MDGA2: variants seen among roughly 807,000 people sequenced by gnomAD.
MDGA2 encodes MAM domain containing glycosylphosphatidylinositol anchor 2.
MDGA2 carries 40 observed loss-of-function variants against 117.8 expected under a neutral mutation model. That is an observed-to-expected ratio of 0.34 (90% CI 0.26 to 0.44). The LOEUF (loss-of-function observed/expected upper bound fraction) is 0.44. Among genes scored for constraint, MDGA2 ranks in the 20% least tolerant of loss-of-function variants. The pLI is 1.00. For missense variants in MDGA2, 1,123 were observed against 1,250.6 expected (o/e 0.90, Z 1.54); for synonymous variants, 452 against 439.0 (o/e 1.03, Z -0.37).
At chr14:47,519,654 T>C (rs1894828084) in intron 1 of MDGA2, among the ~76,000 whole-genome samples, 3 of 152,210 alleles carry the variant, frequency 2.0e-5, no homozygotes, top group African/African-American at 7.2e-5. Flanking sequence ...TTATCCCTCT[T>C]TACCCTCCCT....
chr14:47,032,368 C>T (rs924395100), intron 8 of MDGA2, among the ~76,000 whole-genome samples: 1 of 152,030 alleles, frequency 6.6e-6, no homozygotes, highest in Admixed American at 6.6e-5. Context: ...AGGAAGATTG[C>T]TTGAAGTCAG....
rs560949200 is a variant in MDGA2, at chr14:47,646,721, T to G, written c.280+27796A>C. 2.4e-4 allele frequency among the ~76,000 whole-genome samples: 36 copies of G among 152,360 alleles called. No individual in the cohort carries two copies. The South Asian group carries it at 7.0e-3, about 30-fold the overall frequency. ...TGCATCATTTAATGCCCTACAACCC[T>G]TAGCGTAAAATATGGCACATTCTGC... is the stretch of plus-strand genomic sequence containing the variant. On this transcript the variant is annotated intron_variant, in intron 1 of 16. Transcript: ENST00000399232.
chr14:47,524,142 G>A (rs914606070), intron 1 of MDGA2, among the ~76,000 whole-genome samples: 1 of 152,062 alleles, frequency 6.6e-6, no homozygotes, highest in African/African-American at 2.4e-5. Context: ...TTGAAGATTT[G>A]TATCCTTATT....
intron 8 of MDGA2, among the ~76,000 whole-genome samples, chr14:46,973,053 A>G (rs534629260): frequency 6.6e-6 from 1 of 152,282 alleles, no homozygotes; most frequent in South Asian, 2.1e-4. Flanking sequence ...AATGCAAATT[A>G]AAACAATAAA....
At chr14:46,862,718 T>C (rs2138326614) in intron 14 of MDGA2, among the ~76,000 whole-genome samples, 1 of 152,156 alleles carries the variant, frequency 6.6e-6, no homozygotes, top group Non-Finnish European at 1.5e-5. Flanking sequence ...TCACATTTCA[T>C]GTAAAATGAG....
intron 6 of MDGA2, among the ~76,000 whole-genome samples, chr14:47,081,216 A>G (rs951152902): frequency 6.6e-6 from 1 of 152,170 alleles, no homozygotes; most frequent in Non-Finnish European, 1.5e-5. Flanking sequence ...AATTAAAAAA[A>G]AAGTTGTAGC....
chr14:46,851,034 C>A (rs1040768898), intron 15 of MDGA2, among the ~76,000 whole-genome samples: 1 of 151,806 alleles, frequency 6.6e-6, no homozygotes, highest in Admixed American at 6.6e-5. Flanking sequence ...TTAGTTGGAA[C>A]ATAAGGCAGC....
At chr14:47,606,123 T>G (rs1418725532) in intron 1 of MDGA2, among the ~76,000 whole-genome samples, 1 of 152,226 alleles carries the variant, frequency 6.6e-6, no homozygotes, top group African/African-American at 2.4e-5. Context: ...TATTTATTAT[T>G]TATTTCCCTC....
At chr14:47,108,789 A>T (rs562741345) in intron 5 of MDGA2, among the ~76,000 whole-genome samples, 36 of 152,224 alleles carry the variant, frequency 2.4e-4, no homozygotes, top group Non-Finnish European at 4.3e-4. Flanking sequence ...TATTCACTGA[A>T]CAATATAAAT....
intron 2 of MDGA2, among the ~76,000 whole-genome samples, chr14:47,281,737 T>G (rs1888496933): frequency 6.6e-6 from 1 of 152,206 alleles, no homozygotes; most frequent in South Asian, 2.1e-4. Context: ...TTCTTCAGTA[T>G]GTATTAATTG....
At chr14:47,166,917 G>C (rs949924010) in intron 3 of MDGA2, among the ~76,000 whole-genome samples, 1 of 152,150 alleles carries the variant, frequency 6.6e-6, no homozygotes, top group Admixed American at 6.5e-5. Context: ...AGGCTGACAA[G>C]ACAGTGTGTG....
intron 3 of MDGA2, among the ~76,000 whole-genome samples, chr14:47,159,782 T>C (rs1338665491): frequency 6.6e-6 from 1 of 152,204 alleles, no homozygotes; most frequent in South Asian, 2.1e-4. Context: ...AGATCCTTTG[T>C]CTATTTTTAT....
At chr14:47,167,252 A>C (rs1304257237) in intron 3 of MDGA2, among the ~76,000 whole-genome samples, 1 of 152,176 alleles carries the variant, frequency 6.6e-6, no homozygotes, top group Non-Finnish European at 1.5e-5. Context: ...TTCTCATTAA[A>C]GTTGAATAAG....
intron 1 of MDGA2, among the ~76,000 whole-genome samples, chr14:47,312,691 TTG>T (rs1222609726): frequency 8.7e-5 from 8 of 91,610 alleles, no homozygotes; most frequent in East Asian, 3.6e-4. Flanking sequence ...TTTTTTTGTT[TTG>T]TTTTGTTTTT....
At chr14:47,042,748 A>G (rs967946952) in intron 7 of MDGA2, among the ~76,000 whole-genome samples, 14 of 152,190 alleles carry the variant, frequency 9.2e-5, no homozygotes, top group South Asian at 2.1e-4. Context: ...GCCTCTGGTT[A>G]AGTGAAATTG....
chr14:47,477,019 G>C (rs182138475), intron 1 of MDGA2, among the ~76,000 whole-genome samples: 3 of 152,222 alleles, frequency 2.0e-5, no homozygotes, highest in South Asian at 2.1e-4. Context: ...AAAATTTGCC[G>C]AGCGTGGTGG....
chr14:47,273,339 T>G (rs775578528), intron 2 of MDGA2, among the ~76,000 whole-genome samples: 4 of 152,130 alleles, frequency 2.6e-5, no homozygotes, highest in Non-Finnish European at 4.4e-5. Context: ...ATGATAATAT[T>G]TGAATAACAA....
chr14:47,190,572 A>G (rs1885070970), intron 3 of MDGA2, among the ~76,000 whole-genome samples: 1 of 152,190 alleles, frequency 6.6e-6, no homozygotes, highest in South Asian at 2.1e-4. Context: ...CGTAAAAATA[A>G]CAACAACAAC....
At chr14:47,066,949 A>T (rs901747570) in intron 6 of MDGA2, among the ~76,000 whole-genome samples, 1 of 152,082 alleles carries the variant, frequency 6.6e-6, no homozygotes, top group African/African-American at 2.4e-5. Context: ...CCCCATCTCT[A>T]CTAAAAATAC....
Sources: allele counts gnomAD v4.1 joint callset (sites outside exome capture counted in the v4.1 genomes callset), GRCh38; gene constraint gnomAD v4.1.1; transcripts MANE v1.5; gene names NCBI Gene and HGNC (gene_info 2026-07-23, HGNC 2026-07-21).